SUCLG2: variants seen among roughly 807,000 people sequenced by gnomAD.
SUCLG2 encodes the protein succinate-CoA ligase GDP-forming subunit beta, also known as succinate--CoA ligase [GDP-forming] subunit beta, mitochondrial.
Under a neutral mutation model 47.9 loss-of-function variants are expected in SUCLG2, and 42 were observed. That is an observed-to-expected ratio of 0.88 (90% CI 0.69 to 1.14). The LOEUF (loss-of-function observed/expected upper bound fraction) is 1.14. Among genes scored for constraint, SUCLG2 ranks in the 50% most tolerant of loss-of-function variants. The pLI is 0.00. For missense variants in SUCLG2, 571 were observed against 525.9 expected (o/e 1.09, Z -0.84); for synonymous variants, 195 against 197.3 (o/e 0.99, Z 0.10).
At chr3:67,580,474 A>G (rs1398476723) in intron 2 of SUCLG2, among the ~76,000 whole-genome samples, 2 of 152,194 alleles carry the variant, frequency 1.3e-5, no homozygotes, top group Non-Finnish European at 2.9e-5. Flanking sequence ...TGCTAAAAAG[A>G]TAAATATAAT....
chr3:67,443,250 C>G lies in SUCLG2; in HGVS notation c.1063-42399G>C, dbSNP rs1236504750. ...TGCAAGGGAGTCTGGAACCAATTCCCCAAGGATATTGAGGAACTAATGAAA... is the reference window on the plus strand; with the variant it reads ...TGCAAGGGAGTCTGGAACCAATTCCGCAAGGATATTGAGGAACTAATGAAA... On this transcript the variant is annotated intron_variant, in intron 9 of 10. Coordinates refer to ENST00000307227, the MANE Select transcript of SUCLG2 (RefSeq NM_003848.4). 3.3e-5 allele frequency among the ~76,000 whole-genome samples: 5 copies of G among 152,080 alleles called. No individual in the cohort carries two copies. The South Asian group carries it at 1.0e-3, about 31-fold the overall frequency.
intron 9 of SUCLG2, chr3:67,408,976 A>T (rs1465096267): frequency 1.3e-6 from 2 of 1,535,226 alleles, no homozygotes; most frequent in South Asian, 2.4e-5. Context: ...AGCTTCAAGA[A>T]CGTGCTTCTG....
At chr3:67,555,225 T>TTTA (rs1707126211) in intron 2 of SUCLG2, among the ~76,000 whole-genome samples, 1 of 152,108 alleles carries the variant, frequency 6.6e-6, no homozygotes, top group Non-Finnish European at 1.5e-5. Context: ...GGAATGAAAT[T>TTTA]GGAAGTATCA....
intron 2 of SUCLG2, among the ~76,000 whole-genome samples, chr3:67,569,967 T>A (rs1559576681): frequency 6.6e-6 from 1 of 152,032 alleles, no homozygotes; most frequent in Non-Finnish European, 1.5e-5. Context: ...TACCTCAGAG[T>A]GTAACCATAT....
At position 67,426,925 on chromosome 3, in the gene SUCLG2, C is replaced by CA. The variant is rs996884274; in HGVS notation, c.1063-26075dup. On this transcript the variant is annotated intron_variant, in intron 9 of 10. Coordinates refer to ENST00000307227, the MANE Select transcript of SUCLG2 (RefSeq NM_003848.4). ...CTGGCGACAGAGCAAGACTCCATCT[C>CA]AAAAAAAAAAGTGGCAAAATCCATC... Among the ~76,000 whole-genome samples, 131 of 147,394 alleles carry CA rather than the reference C, an allele frequency of 8.9e-4. 1 individual carries two copies. The highest frequency in any genetic ancestry group is 1.4e-3 in the African/African-American group (57 of 40,256).
intron 1 of SUCLG2, among the ~76,000 whole-genome samples, chr3:67,648,340 G>A (rs1055405803): frequency 6.6e-6 from 1 of 152,182 alleles, no homozygotes. Flanking sequence ...GGGCAACCAT[G>A]CCAAGTTGAT....
intron 2 of SUCLG2, among the ~76,000 whole-genome samples, chr3:67,535,071 G>A (rs868601354): frequency 6.6e-6 from 1 of 152,102 alleles, no homozygotes; most frequent in East Asian, 1.9e-4. Flanking sequence ...GCTGGAAACA[G>A]TCATGGAAGA....
intron 9 of SUCLG2, among the ~76,000 whole-genome samples, chr3:67,427,937 G>C (rs573779340): frequency 6.6e-6 from 1 of 152,358 alleles, no homozygotes; most frequent in South Asian, 2.1e-4. Context: ...CCATTGCTGA[G>C]GCTTGAGTAG....
chr3:67,392,358 C>T (rs1023826381), intron 10 of SUCLG2, among the ~76,000 whole-genome samples: 7 of 152,180 alleles, frequency 4.6e-5, no homozygotes, highest in Admixed American at 2.0e-4. Flanking sequence ...CCCATGCTGC[C>T]GTCAAGCCTC....
At chr3:67,457,841 G>A (rs1439860422) in intron 9 of SUCLG2, among the ~76,000 whole-genome samples, 1 of 151,998 alleles carries the variant, frequency 6.6e-6, no homozygotes, top group East Asian at 1.9e-4. Context: ...TTACAATGGT[G>A]TTCTATAATG....
intron 1 of SUCLG2, among the ~76,000 whole-genome samples, chr3:67,638,014 GT>G (rs1701037651): frequency 6.6e-6 from 1 of 152,152 alleles, no homozygotes; most frequent in Non-Finnish European, 1.5e-5. Flanking sequence ...ATAATTACAT[GT>G]TAAACTACAT....
intron 2 of SUCLG2, among the ~76,000 whole-genome samples, chr3:67,608,982 T>C (rs1031787766): frequency 2.0e-5 from 3 of 152,198 alleles, no homozygotes; most frequent in Admixed American, 1.3e-4. Context: ...GAGCCTGTTC[T>C]AAGGTTTTTG....
At chr3:67,590,388 T>C (rs1469880741) in intron 2 of SUCLG2, among the ~76,000 whole-genome samples, 1 of 152,082 alleles carries the variant, frequency 6.6e-6, no homozygotes, top group East Asian at 1.9e-4. Context: ...CCTCCAAATC[T>C]CATGTTGAAC....
At chr3:67,408,529 C>T (rs920175838) in intron 9 of SUCLG2, 2 of 754,722 alleles carry the variant, frequency 2.6e-6, no homozygotes, top group Admixed American at 6.0e-5. Flanking sequence ...TGGAGAGATC[C>T]TCTGGGGACA....
At chr3:67,627,025 G>A (rs1440959531) in intron 1 of SUCLG2, among the ~76,000 whole-genome samples, 2 of 150,118 alleles carry the variant, frequency 1.3e-5, no homozygotes, top group African/African-American at 4.9e-5. Context: ...TTTTAAAAAA[G>A]GACTAGAGAT....
At position 67,646,063 on chromosome 3, in the gene SUCLG2, G is replaced by A. The variant is rs986175159; in HGVS notation, c.84+8440C>T. On this transcript the variant is annotated intron_variant, in intron 1 of 10. Coordinates refer to ENST00000307227, the MANE Select transcript of SUCLG2 (RefSeq NM_003848.4). ...GCAAGCCAATCAATGCTGTGGGCAC[G>A]GGGAAGGGAGGGGAATGGAGGGGAG... is the stretch of plus-strand genomic sequence containing the variant. Among the ~76,000 whole-genome samples, 5 of 148,148 alleles carry A rather than the reference G, an allele frequency of 3.4e-5. No homozygotes were observed. In the East Asian group the frequency reaches 6.1e-4, roughly 18 times the overall value.
chr3:67,603,212 A>C (rs990163862), intron 2 of SUCLG2, among the ~76,000 whole-genome samples: 16 of 152,326 alleles, frequency 1.1e-4, no homozygotes, highest in African/African-American at 3.1e-4. Flanking sequence ...ATAAGACAAA[A>C]ATGACCGTCA....
chr3:67,590,797 C>T (rs937284786), intron 2 of SUCLG2, among the ~76,000 whole-genome samples: 1 of 152,232 alleles, frequency 6.6e-6, no homozygotes, highest in South Asian at 2.1e-4. Context: ...GGCTTTTCAC[C>T]GCCTTTTCTT....
chr3:67,612,713 C>T (rs529906283), intron 1 of SUCLG2, among the ~76,000 whole-genome samples: 1 of 152,154 alleles, frequency 6.6e-6, no homozygotes, highest in African/African-American at 2.4e-5. Flanking sequence ...TTAGGCGATG[C>T]CGTATCTACT....
Sources: allele counts gnomAD v4.1 joint callset (sites outside exome capture counted in the v4.1 genomes callset), GRCh38; gene constraint gnomAD v4.1.1; transcripts MANE v1.5; gene names NCBI Gene and HGNC (gene_info 2026-07-23, HGNC 2026-07-21).